The following SNTG1 variants were observed in gnomAD, a reference collection of about 807,000 sequenced individuals.
SNTG1 encodes the protein syntrophin gamma 1, also known as gamma-1-syntrophin.
SNTG1 carries 39 observed loss-of-function variants against 74.7 expected under a neutral mutation model. That is an observed-to-expected ratio of 0.52 (90% confidence interval 0.40 to 0.68). SNTG1 has a LOEUF of 0.68. Among genes scored for constraint, SNTG1 ranks in the 30% least tolerant of loss-of-function variants. The pLI is 0.00. For synonymous variants in SNTG1, 254 were observed against 217.1 expected (o/e 1.17, Z -1.49); for missense variants, 685 against 609.5 (o/e 1.12, Z -1.30).
chr8:50,482,624 C>G (rs2093750326), intron 8 of SNTG1, among the ~76,000 whole-genome samples: 1 of 152,138 alleles, frequency 6.6e-6, no homozygotes, highest in Non-Finnish European at 1.5e-5. Flanking sequence ...TCATTTACTT[C>G]AATTCATTTA....
chr8:50,579,450 A>C (rs1391758971), intron 12 of SNTG1, among the ~76,000 whole-genome samples: 1 of 152,164 alleles, frequency 6.6e-6, no homozygotes, highest in Non-Finnish European at 1.5e-5. Context: ...GCTGAAAGTT[A>C]ATTACCAAGA....
At chr8:50,618,506 C>A (rs961772298) in intron 13 of SNTG1, among the ~76,000 whole-genome samples, 12 of 152,152 alleles carry the variant, frequency 7.9e-5, no homozygotes, top group African/African-American at 2.4e-4. Context: ...TAATAAATTA[C>A]CACAAACCAA....
intron 17 of SNTG1, among the ~76,000 whole-genome samples, chr8:50,739,788 G>A (rs2095538516): frequency 6.6e-6 from 1 of 151,954 alleles, no homozygotes; most frequent in African/African-American, 2.4e-5. Flanking sequence ...ACATATACCA[G>A]TGGAACAGAA....
At chr8:50,231,073 A>C (rs912031843) in intron 2 of SNTG1, among the ~76,000 whole-genome samples, 1 of 151,316 alleles carries the variant, frequency 6.6e-6, no homozygotes, top group African/African-American at 2.4e-5. Flanking sequence ...CTGATTAAGA[A>C]ATGGGCAAGG....
chr8:50,377,076 A>G (rs986044007), intron 2 of SNTG1, among the ~76,000 whole-genome samples: 3 of 152,082 alleles, frequency 2.0e-5, no homozygotes, highest in Non-Finnish European at 4.4e-5. Flanking sequence ...ATAAAATAAT[A>G]AGCACATAGA....
intron 1 of SNTG1, among the ~76,000 whole-genome samples, chr8:50,020,061 TG>T (rs1436728459): frequency 6.6e-6 from 1 of 152,170 alleles, no homozygotes; most frequent in Non-Finnish European, 1.5e-5. Context: ...TTGAGCCTTT[TG>T]TGCCACTATA....
chr8:50,763,304 C>T (rs1212959132), intron 18 of SNTG1, among the ~76,000 whole-genome samples: 1 of 151,840 alleles, frequency 6.6e-6, no homozygotes, highest in East Asian at 2.0e-4. Context: ...CCTGAAGCCC[C>T]TGATACTCAG....
intron 18 of SNTG1, among the ~76,000 whole-genome samples, chr8:50,776,986 T>G (rs1279529694): frequency 6.6e-6 from 1 of 151,810 alleles, no homozygotes; most frequent in Non-Finnish European, 1.5e-5. Context: ...TAAGGTTTTA[T>G]TTCTCTCTTG....
At position 50,010,785 on chromosome 8, in the gene SNTG1, CTTTTTTTTTTTTTT is replaced by C. The variant is rs774350614; in HGVS notation, c.-103+98564_-103+98577del. 5.6e-5 allele frequency among the ~76,000 whole-genome samples: 5 copies of C among 89,136 alleles called. No individual in the cohort carries two copies. In the East Asian group the frequency reaches 1.3e-3, roughly 23 times the overall value. The allele number at this position is 89,136 out of a possible 152,430, so 58.5% of individuals were successfully genotyped here. A position where few individuals can be genotyped will look rare whatever the true frequency, so the allele number is the denominator to read the frequency against. ...GACATATCCAAGGACACAGGCCTCT[CTTTTTTTTTTTTTT>C]TTTTTTTTTGGTGAGGTGGAGGGGG... On this transcript the variant is annotated intron_variant, in intron 1 of 18. Coordinates refer to ENST00000642720, the MANE Select transcript of SNTG1 (RefSeq NM_018967.5).
chr8:50,526,490 T>G (rs1460835670), intron 9 of SNTG1, among the ~76,000 whole-genome samples: 19 of 152,128 alleles, frequency 1.2e-4, no homozygotes, highest in Admixed American at 1.2e-3. Context: ...TCTGGAGCAC[T>G]CTTCAAAGCT....
At chr8:50,220,586 G>T (rs1186695448) in intron 2 of SNTG1, among the ~76,000 whole-genome samples, 2 of 152,136 alleles carry the variant, frequency 1.3e-5, no homozygotes, top group Non-Finnish European at 2.9e-5. Flanking sequence ...TTGAAGTTTT[G>T]TTGGAGCAGA....
At chr8:49,974,818 A>T (rs915519627) in intron 1 of SNTG1, among the ~76,000 whole-genome samples, 2 of 152,222 alleles carry the variant, frequency 1.3e-5, no homozygotes, top group African/African-American at 4.8e-5. Flanking sequence ...CTACAGTGCC[A>T]CATATGTTAA....
intron 17 of SNTG1, among the ~76,000 whole-genome samples, chr8:50,712,498 T>A (rs2095464386): frequency 6.6e-6 from 1 of 152,192 alleles, no homozygotes; most frequent in South Asian, 2.1e-4. Context: ...TTTTTTATTT[T>A]TTATTACACT....
At position 49,970,981 on chromosome 8, in the gene SNTG1, T is replaced by A. The variant is rs530666452; in HGVS notation, c.-103+58750T>A. ...ACCATTCATTCTGAAACTATTCCAA[T>A]CAATAGAAAAAGAGGGAATCCTCCC... On this transcript the variant is annotated intron_variant, in intron 1 of 18. Transcript: ENST00000642720. Among the ~76,000 whole-genome samples the A allele has an allele frequency of 3.3e-5, 5 of 152,190 alleles. No individual in the cohort carries two copies. The South Asian group carries it at 1.0e-3, about 32-fold the overall frequency.
chr8:50,470,266 A>G (rs1471897974), intron 8 of SNTG1, among the ~76,000 whole-genome samples: 1 of 152,222 alleles, frequency 6.6e-6, no homozygotes, highest in Admixed American at 6.5e-5. Flanking sequence ...ATAAGAGTGA[A>G]ATGTCAATAT....
intron 2 of SNTG1, among the ~76,000 whole-genome samples, chr8:50,368,578 A>G (rs1448523141): frequency 6.6e-6 from 1 of 152,122 alleles, no homozygotes; most frequent in African/African-American, 2.4e-5. Context: ...GGAACAGCAA[A>G]TGGATTACAC....
At chr8:50,292,597 A>G (rs2089170378) in intron 2 of SNTG1, among the ~76,000 whole-genome samples, 1 of 152,122 alleles carries the variant, frequency 6.6e-6, no homozygotes, top group Non-Finnish European at 1.5e-5. Flanking sequence ...CACTATGGAA[A>G]GAGACAAGCA....
At chr8:50,552,378 T>C (rs1268991455) in intron 11 of SNTG1, among the ~76,000 whole-genome samples, 2 of 152,184 alleles carry the variant, frequency 1.3e-5, no homozygotes, top group Non-Finnish European at 2.9e-5. Context: ...AAAACAAAAG[T>C]CAATAAAATA....
At chr8:50,720,159 T>C (rs980261358) in intron 17 of SNTG1, among the ~76,000 whole-genome samples, 1 of 152,198 alleles carries the variant, frequency 6.6e-6, no homozygotes, top group African/African-American at 2.4e-5. Flanking sequence ...GTGTTCAACA[T>C]TGAGCTTGCT....
Sources: allele counts gnomAD v4.1 joint callset (sites outside exome capture counted in the v4.1 genomes callset), GRCh38; gene constraint gnomAD v4.1.1; transcripts MANE v1.5; gene names NCBI Gene and HGNC (gene_info 2026-07-23, HGNC 2026-07-21).